The following TTN variants were observed in gnomAD, a reference collection of about 807,000 sequenced individuals.
The protein encoded by TTN is connectin.
A neutral mutation model predicts 3,223.0 loss-of-function variants in TTN; 1,525 were observed. The observed-to-expected ratio is 0.47, with a 90% CI of 0.45 to 0.49. The LOEUF is 0.49. Among genes scored for constraint, TTN ranks in the 20% least tolerant of loss-of-function variants. The pLI, the probability that TTN is intolerant of heterozygous loss-of-function variation, is 0.00. For synonymous variants in TTN, 14,094 were observed against 15,161.0 expected (o/e 0.93, Z 5.17); for missense variants, 40,786 against 43,424.0 (o/e 0.94, Z 5.40).
In TTN at chr2:178,607,603, C is replaced by T; in HGVS notation, c.53085G>A (p.Val17695=). The change falls in exon 277 of 363, where the codon GTG becomes GTA. Residue 17695 remains valine, a synonymous_variant. Coordinates refer to ENST00000589042, the MANE Select transcript of TTN (RefSeq NM_001267550.2). ...MAGKTLRIPA[V]VTGRPVPTKV... ...TTGTAGGTACAGGGCGACCAGTCAC[C>T]ACAGCTGGAATTCTAAGAGTCTTCC... 1.9e-6 allele frequency: 3 copies of T among 1,613,134 alleles called. No homozygotes were observed. Among genetic ancestry groups the T allele is most frequent in the South Asian group, 2.2e-5 (2 of 91,068 alleles).
chr2:178,685,379 C>T (rs1323207310), intron 128 of TTN, 49 bp from the exon 129 acceptor site: 12 of 1,508,456 alleles, frequency 8.0e-6, no homozygotes, highest in East Asian at 4.9e-5. Flanking sequence ...GATTTCTTTT[C>T]GATAAAAGTG....
Position 178,560,129 on chromosome 2 carries a change from A to G in TTN, c.86003T>C (p.Ile28668Thr), listed in dbSNP as rs374022393. 3.8e-5 allele frequency: 61 copies of G among 1,613,582 alleles called. No homozygotes were observed. In the African/African-American group the frequency reaches 5.5e-4, roughly 14 times the overall value. The change falls in exon 326 of 363, where the codon ATA becomes ACA. Residue 28668 changes from isoleucine to threonine, a missense_variant. Coordinates refer to ENST00000589042, the MANE Select transcript of TTN (RefSeq NM_001267550.2). ...CAGCGGCTTAACCCAGGCAATAGTT[A>G]TAGTTGTCTTGCCTGAGTCCACAAT... ...PKIVDSGKTT[I>T]TIAWVKPLFD...
At chr2:178,609,651 G>C in intron 272 of TTN, 33 bp downstream of exon 272, 1 of 1,552,744 alleles carries the variant, frequency 6.4e-7, no homozygotes, top group Non-Finnish European at 8.7e-7. Flanking sequence ...ATTTCAAAAT[G>C]GGAAAGTGGC....
At chr2:178,550,542 A>G (rs978969098) in intron 336 of TTN, 5 of 461,004 alleles carry the variant, frequency 1.1e-5, no homozygotes, top group African/African-American at 5.9e-5. Context: ...TTTACAGATC[A>G]TGTACTTCCT....
Position 178,790,761 on chromosome 2 carries a change from C to A in TTN, c.1747G>T (p.Ala583Ser), listed in dbSNP as rs998955826. The A allele has an allele frequency of 6.2e-7, 1 of 1,614,126 alleles. No homozygotes were observed. The change falls in exon 11 of 363, where the codon GCT (alanine) becomes TCT (serine). Residue 583 changes from alanine (A) to serine (S), a missense_variant. Coordinates refer to ENST00000589042, the MANE Select transcript of TTN (RefSeq NM_001267550.2). ...TGTTGTGTGGTAGTTTCTTCTTGAG[C>A]TCCCGGGACTGTTTCTAGTTTTGTG... ...KSTKLETVPG[A>S]QEETTTQQDQ...
chr2:178,613,794 A>G lies in TTN; in HGVS notation c.49489T>C (p.Trp16497Arg), dbSNP rs748070345. ...VERLDPDTDK[W>R]VRCNKMPVKD... is the part of the protein sequence containing the mutation. ...ACTGGCATCTTATTGCATCTAACCC[A>G]TTTATCTGTATCAGGATCCAGTCTT... is the stretch of plus-strand genomic sequence containing the variant. Residue 16497 changes from tryptophan to arginine, a missense_variant, in exon 263 of 363, where the codon TGG (tryptophan) becomes CGG (arginine). By Grantham distance (101) the Trp-to-Arg change is moderately radical (BLOSUM62 -3). Transcript: ENST00000589042. The G allele has an allele frequency of 1.2e-6, 2 of 1,612,342 alleles. No homozygotes were observed. The highest frequency in any genetic ancestry group is 1.7e-6 in the Non-Finnish European group (2 of 1,178,972).
chr2:178,613,614 G>C, intron 263 of TTN, 137 bp downstream of exon 263: 1 of 838,298 alleles, frequency 1.2e-6, no homozygotes, highest in Non-Finnish European at 1.7e-6. Flanking sequence ...CAAATTATGA[G>C]GTAATAGAAA....
chr2:178,722,523 C>T lies in TTN; in HGVS notation c.22264G>A (p.Ala7422Thr), dbSNP rs2078575332. Residue 7422 changes from alanine (A) to threonine (T), a missense_variant, in exon 77 of 363, where the codon GCA (alanine) becomes ACA (threonine). By Grantham distance (58) the Ala-to-Thr change is moderately conservative (BLOSUM62 0). Coordinates refer to ENST00000589042, the MANE Select transcript of TTN (RefSeq NM_001267550.2). ...IQERQLPPSF[A>T]RQLKDIEQTV... ...TGTTCAATGTCCTTTAATTGTCTTG[C>T]AAAAGAAGGTGGGAGTTGGCGCTCT... 1.2e-6 allele frequency: 2 copies of T among 1,611,910 alleles called. No homozygotes were observed. Among genetic ancestry groups the T allele is most frequent in the Non-Finnish European group, 1.7e-6 (2 of 1,178,726 alleles).
In TTN at chr2:178,745,074, T is replaced by C. The variant is rs115797499; in HGVS notation, c.11312-3153A>G. 5.7e-3 allele frequency: 5,595 copies of C among 986,790 alleles called. 255 individuals are homozygous for C. In the African/African-American group the frequency reaches 0.091, roughly 16 times the overall value. The allele number at this position is 986,790 out of a possible 1,614,324, so 61.1% of individuals were successfully genotyped here. ...TTGGGAGAAGCTGGTTTTTGTTGTT[T>C]GTTTTGCCTATTCTAAGTCAAAGTA... On this transcript the variant is annotated intron_variant, in intron 47 of 362. Coordinates refer to ENST00000589042, the MANE Select transcript of TTN (RefSeq NM_001267550.2).
At chr2:178,745,909 C>T in intron 47 of TTN, 1 of 1,609,994 alleles carries the variant, frequency 6.2e-7, no homozygotes, top group South Asian at 1.1e-5. Context: ...TGTAGTTGCT[C>T]TTTAAGACCA....
chr2:178,773,678 T>C lies in TTN; in HGVS notation c.7378A>G (p.Thr2460Ala). 1 of 1,614,078 alleles carries C rather than the reference T, an allele frequency of 6.2e-7. No homozygotes were observed. Among genetic ancestry groups the C allele is most frequent in the Non-Finnish European group, 8.5e-7 (1 of 1,179,968 alleles). The change falls in exon 32 of 363, where the codon ACC becomes GCC. Residue 2460 changes from threonine to alanine, a missense_variant. Transcript: ENST00000589042. ...PLKDVNVIEG[T>A]KAVLECKVSV... ...ACCTTACATTCAAGCACAGCCTTGGTGCCTTCAATCACATTAACATCTTTT... is the reference window on the plus strand; with the variant it reads ...ACCTTACATTCAAGCACAGCCTTGGCGCCTTCAATCACATTAACATCTTTT...
At position 178,724,644 on chromosome 2, in the gene TTN, G is replaced by T. The variant is rs2562852; in HGVS notation, c.20837-106C>A. The T allele has an allele frequency of 0.027, 33,341 of 1,213,808 alleles. 1,041 individuals are homozygous for T. The highest frequency in any genetic ancestry group is 0.19 in the East Asian group (6,701 of 36,142). The allele number at this position is 1,213,808 out of a possible 1,614,324, so 75.2% of individuals were successfully genotyped here. A position where few individuals can be genotyped will look rare whatever the true frequency, so the allele number is the denominator to read the frequency against. ...CTCCCAGTGAGATGGTTATGTTAGG[G>T]TGCTCTCTCTCTCGACTTTAAAGTG... On this transcript the variant is annotated intron_variant, in intron 71 of 362. Coordinates refer to ENST00000589042, the MANE Select transcript of TTN (RefSeq NM_001267550.2).
At chr2:178,749,209 AT>A (rs2084629999) in intron 47 of TTN, 3 of 1,610,902 alleles carry the variant, frequency 1.9e-6, no homozygotes, top group Non-Finnish European at 2.5e-6. Context: ...TTCCAAAATT[AT>A]TTCTTATTTC....
In TTN at chr2:178,721,821, T is replaced by C. The variant is rs980807636; in HGVS notation, c.22816+26A>G. On this transcript the variant is annotated intron_variant, in intron 78 of 362. Transcript: ENST00000589042. Reference sequence around the variant, plus strand: ...TTATGCAAATATGGTAAGGAACAAATATTGTCAAAAGTCATGGAATGATAC... The same window carrying C: ...TTATGCAAATATGGTAAGGAACAAACATTGTCAAAAGTCATGGAATGATAC... 13 of 1,468,842 alleles carry C rather than the reference T, an allele frequency of 8.9e-6. No homozygotes were observed. The African/African-American group carries it at 1.4e-4, about 16-fold the overall frequency. 91.0% of individuals were successfully genotyped at this position (1,468,842 alleles called of 1,614,324 possible). A position where few individuals can be genotyped will look rare whatever the true frequency, so the allele number is the denominator to read the frequency against.
Position 178,531,186 on chromosome 2 carries a change from G to C in TTN, c.105429C>G (p.Gly35143=), listed in dbSNP as rs368591364. The C allele has an allele frequency of 6.2e-7, 1 of 1,613,922 alleles. No individual in the cohort carries two copies. The highest frequency in any genetic ancestry group is 1.7e-5 in the Admixed American group (1 of 60,010). Residue 35143 remains glycine (G), a synonymous_variant, in exon 358 of 363, where the codon GGC becomes GGG. Transcript: ENST00000589042. ...TKPRSMTVYE[G]ESARFSCDTD... ...TGTCACAAGAAAACCTTGCAGACTC[G>C]CCCTCGTAGACGGTCATGGACCGTG... is the stretch of plus-strand genomic sequence containing the variant.
rs769704113 is a variant in TTN at position 178,636,614 on chromosome 2, T to C, written c.41113A>G (p.Ile13705Val). ...GAAGGGGAGACCAAACATTCAAAGATTGCTGAAGAGCCAACGAACTCTGAT... is the reference window on the plus strand; with the variant it reads ...GAAGGGGAGACCAAACATTCAAAGACTGCTGAAGAGCCAACGAACTCTGAT... ...TESEFVGSSA[I>V]FECLVSPSTA... Residue 13705 changes from isoleucine (I) to valine (V), a missense_variant, in exon 225 of 363, where the codon ATC becomes GTC. Ile to Val is a conservative substitution (Grantham distance 29, BLOSUM62 3). Coordinates refer to ENST00000589042, the MANE Select transcript of TTN (RefSeq NM_001267550.2). This position sits in a 1 kb window ranked among gnomAD's most constrained non-coding sequence, Gnocchi z 4.3. 7 of 1,613,458 alleles carry C rather than the reference T, an allele frequency of 4.3e-6. No homozygotes were observed. The highest frequency in any genetic ancestry group is 4.5e-5 in the East Asian group (2 of 44,740).
chr2:178,564,633 C>T lies in TTN; in HGVS notation c.81499G>A (p.Ala27167Thr), dbSNP rs775102427. 1 of 1,613,446 alleles carries T rather than the reference C, an allele frequency of 6.2e-7. No individual in the cohort carries two copies. Among genetic ancestry groups the T allele is most frequent in the African/African-American group, 1.3e-5 (1 of 74,888 alleles). ...KPSKVSECFV[A>T]RDPCDPPGRP... ...CCAGGTGGGTCACATGGATCACGAG[C>T]AACAAAGCATTCTGACACTTTGCTA... is the stretch of plus-strand genomic sequence containing the variant. Residue 27167 changes from alanine (A) to threonine (T), a missense_variant, in exon 326 of 363, where the codon GCT becomes ACT. Ala to Thr is a moderately conservative substitution (Grantham distance 58). Coordinates refer to ENST00000589042, the MANE Select transcript of TTN (RefSeq NM_001267550.2).
chr2:178,744,960 G>A (rs1351413001), intron 47 of TTN: 2 of 985,002 alleles, frequency 2.0e-6, no homozygotes, highest in Non-Finnish European at 2.4e-6. Flanking sequence ...CTTATGAAGA[G>A]GAATATTAAT....
In TTN at chr2:178,608,598, A is replaced by AAACTT. The variant is rs2055506098; in HGVS notation, c.52405+3_52405+7dup. On this transcript the variant is annotated splice_region_variant and intron_variant, in intron 274 of 362. Transcript: ENST00000589042. ...AAAGGCAAACTTTAGATGCCAAAGGAAACTTACCAAATGGATCTTTAGCCA... is the reference window on the plus strand; with the variant it reads ...AAAGGCAAACTTTAGATGCCAAAGGAAACTTAACTTACCAAATGGATCTTTAGCCA... 1 of 1,606,868 alleles carries AAACTT rather than the reference A, an allele frequency of 6.2e-7. No homozygotes were observed. The highest frequency in any genetic ancestry group is 2.3e-5 in the East Asian group (1 of 44,404).
Sources: allele counts gnomAD v4.1 joint callset, GRCh38; gene constraint gnomAD v4.1.1; non-coding constraint Gnocchi (gnomAD v3.1); transcripts MANE v1.5; gene names NCBI Gene and HGNC (gene_info 2026-07-23, HGNC 2026-07-21).